Variants in NCOA7 observed in about 807,000 individuals in gnomAD.
NCOA7 encodes nuclear receptor coactivator 7, also known as 140 kDa estrogen receptor-associated protein.
In NCOA7, 45 loss-of-function variants were observed where a neutral mutation model predicts 104.3. The ratio of observed to expected loss-of-function variants is 0.43; its 90% confidence interval spans 0.34 to 0.55. NCOA7 has a LOEUF of 0.55. Among genes scored for constraint, NCOA7 ranks in the 20% least tolerant of loss-of-function variants. The pLI is 0.02. For synonymous variants in NCOA7, 398 were observed against 402.3 expected (o/e 0.99, Z 0.13); for missense variants, 1,041 against 1,119.7 (o/e 0.93, Z 1.00).
chr6:125,912,782 A>G (rs756059205), intron 10 of NCOA7, among the ~76,000 whole-genome samples: 22 of 152,214 alleles, frequency 1.4e-4, no homozygotes, highest in Non-Finnish European at 2.5e-4. Context: ...TTCCCTCCCA[A>G]CACTCAGCTT....
chr6:125,793,527 T>A (rs1268088), intron 1 of NCOA7, among the ~76,000 whole-genome samples: 8,420 of 152,198 alleles, frequency 0.055, 689 homozygotes, highest in African/African-American at 0.18. Context: ...CTGGGATTGG[T>A]TGACTCACTT....
At chr6:125,841,141 C>T (rs896377862) in intron 2 of NCOA7, among the ~76,000 whole-genome samples, 3 of 150,378 alleles carry the variant, frequency 2.0e-5, no homozygotes, top group Non-Finnish European at 3.0e-5. Context: ...TCCACTGCCT[C>T]GGCTTCCCAA....
At chr6:125,787,175 C>T (rs538451800), upstream of NCOA7, among the ~76,000 whole-genome samples, 1 of 151,450 alleles carries the variant, frequency 6.6e-6, no homozygotes, top group South Asian at 2.1e-4. Context: ...CTAGATCAAC[C>T]AGAGACTCAG....
At chr6:125,900,559 A>G (rs1160021742) in intron 10 of NCOA7, among the ~76,000 whole-genome samples, 1 of 152,178 alleles carries the variant, frequency 6.6e-6, no homozygotes, top group Non-Finnish European at 1.5e-5. Flanking sequence ...CAACCTGATG[A>G]TTTCATGTAT....
At chr6:125,825,256 T>C (rs184590796) in intron 2 of NCOA7, among the ~76,000 whole-genome samples, 255 of 150,470 alleles carry the variant, frequency 1.7e-3, no homozygotes, top group African/African-American at 5.9e-3. Context: ...AAAAGATAGC[T>C]CGGGTATTGA....
At chr6:125,866,525 T>C (rs540760938) in intron 3 of NCOA7, among the ~76,000 whole-genome samples, 30 of 152,230 alleles carry the variant, frequency 2.0e-4, no homozygotes, top group African/African-American at 7.2e-4. Flanking sequence ...TGAATCACCT[T>C]ATCAAATTCT....
At chr6:125,892,754 T>G (rs775613898) in intron 10 of NCOA7, among the ~76,000 whole-genome samples, 1 of 152,236 alleles carries the variant, frequency 6.6e-6, no homozygotes, top group Non-Finnish European at 1.5e-5. Context: ...TGTCCATTAC[T>G]TGTTTACCTT....
chr6:125,878,856 C>T (rs1256424063), intron 5 of NCOA7, among the ~76,000 whole-genome samples: 1 of 152,136 alleles, frequency 6.6e-6, no homozygotes, highest in Non-Finnish European at 1.5e-5. Flanking sequence ...AACTTTCACC[C>T]CTGCCCATGA....
At chr6:125,858,745 A>G (rs1341667980) in intron 3 of NCOA7, among the ~76,000 whole-genome samples, 7 of 152,002 alleles carry the variant, frequency 4.6e-5, no homozygotes, top group Admixed American at 6.5e-5. Context: ...CTTAGATAAA[A>G]CCTCTAGGTG....
chr6:125,900,590 A>G (rs930913393), intron 10 of NCOA7, among the ~76,000 whole-genome samples: 1 of 152,240 alleles, frequency 6.6e-6, no homozygotes, highest in Non-Finnish European at 1.5e-5. Flanking sequence ...TGAAATATAC[A>G]TCACAATGGA....
intron 1 of NCOA7, among the ~76,000 whole-genome samples, chr6:125,784,194 T>C (rs1280980544): frequency 6.6e-6 from 1 of 152,236 alleles, no homozygotes; most frequent in African/African-American, 2.4e-5. Flanking sequence ...GAGTCAGCTG[T>C]CCTTCTTTTG....
rs116026362 is a variant in NCOA7 at position 125,810,918 on chromosome 6, T to C, written c.-64-4373T>C. On this transcript the variant is annotated intron_variant, in intron 1 of 15. Coordinates refer to ENST00000392477, the MANE Select transcript of NCOA7 (RefSeq NM_181782.5). Reference sequence around the variant, plus strand: ...AGACACAGCAGCACCAGATGTCAACTATTGGATCATTTAATCTTTTTCTCT... The same window carrying C: ...AGACACAGCAGCACCAGATGTCAACCATTGGATCATTTAATCTTTTTCTCT... 3.4e-3 allele frequency among the ~76,000 whole-genome samples: 524 copies of C among 152,356 alleles called. 3 individuals are homozygous for C. The highest frequency in any genetic ancestry group is 0.012 in the African/African-American group (491 of 41,590).
chr6:125,881,419 C>T (rs970049686), intron 6 of NCOA7, among the ~76,000 whole-genome samples: 2 of 152,086 alleles, frequency 1.3e-5, no homozygotes, highest in African/African-American at 4.8e-5. Context: ...CCTGTAGTCC[C>T]AGCACTCTGG....
At chr6:125,887,119 G>T (rs187827317) in intron 8 of NCOA7, among the ~76,000 whole-genome samples, 126 of 152,344 alleles carry the variant, frequency 8.3e-4, no homozygotes, top group African/African-American at 2.9e-3. Context: ...GGACAGTTTG[G>T]ATTAGGTAAA....
chr6:125,921,095 G>A, intron 12 of NCOA7, 27 bp downstream of exon 12: 1 of 1,607,144 alleles, frequency 6.2e-7, no homozygotes, highest in Non-Finnish European at 8.5e-7. Context: ...CACCAAGGGT[G>A]GGGGTTCCTA....
intron 13 of NCOA7, among the ~76,000 whole-genome samples, chr6:125,927,007 C>G (rs1266934972): frequency 6.6e-6 from 1 of 152,282 alleles, no homozygotes; most frequent in African/African-American, 2.4e-5. Context: ...GTACAAGAAC[C>G]ATTGATTTAA....
At chr6:125,852,645 C>T (rs1781221954) in intron 2 of NCOA7, among the ~76,000 whole-genome samples, 1 of 152,168 alleles carries the variant, frequency 6.6e-6, no homozygotes, top group Non-Finnish European at 1.5e-5. Context: ...GTTTTTCCAG[C>T]ACCCTTTATT....
Position 125,928,811 on chromosome 6 carries a change from G to A in NCOA7, c.*40G>A, listed in dbSNP as rs1312296730. On this transcript the variant is annotated 3_prime_UTR_variant, in exon 16 of 16. Transcript: ENST00000392477. The stretch of plus-strand genomic sequence containing the variant: ...TAAAATATAACATTAAAAAGACTGG[G>A]TTCGATCAGCCCTCCTAAAGCTGGC... 6.3e-7 allele frequency: 1 copy of A among 1,594,292 alleles called. No individual in the cohort carries two copies. The highest frequency in any genetic ancestry group is 1.4e-5 in the African/African-American group (1 of 73,648).
chr6:125,815,445 G>T, intron 2 of NCOA7, 41 bp downstream of exon 2: 2 of 1,541,948 alleles, frequency 1.3e-6, no homozygotes, highest in African/African-American at 2.7e-5. Context: ...GTACTTTAAA[G>T]AAATATTTGA....
Sources: gnomAD v4.1 joint callset for allele counts (sites outside exome capture counted in the v4.1 genomes callset) on GRCh38, gnomAD v4.1.1 for gene constraint, MANE v1.5 for transcripts, NCBI Gene and HGNC (gene_info 2026-07-23, HGNC 2026-07-21) for gene names.